The following KATNBL1 variants were observed in gnomAD, a reference collection of about 807,000 sequenced individuals.
KATNBL1 encodes the protein KATNB1-like protein 1.
Under a neutral mutation model 44.7 loss-of-function variants are expected in KATNBL1, and 28 were observed. The ratio of observed to expected loss-of-function variants is 0.63; its 90% CI spans 0.46 to 0.86. The LOEUF is 0.86. KATNBL1 is among the 40% of genes least tolerant of loss of function. The pLI, the probability that KATNBL1 is intolerant of heterozygous loss-of-function variation, is 0.00. For synonymous variants in KATNBL1, 78 were observed against 114.9 expected, an observed-to-expected ratio of 0.68 and a Z score of 2.06; for missense variants, 272 against 350.7, an observed-to-expected ratio of 0.78 and a Z score of 1.79.
At chr15:34,185,544 T>G (rs1471628992) in intron 1 of KATNBL1, among the ~76,000 whole-genome samples, 1 of 152,188 alleles carries the variant, frequency 6.6e-6, no homozygotes, top group East Asian at 1.9e-4. Context: ...AATGTATACC[T>G]ATAGATATAT....
At chr15:34,204,022 T>TAAAAAAAAAAAAAAAA in intron 1 of KATNBL1, among the ~76,000 whole-genome samples, 1 of 130,670 alleles carries the variant, frequency 7.7e-6, no homozygotes, top group Non-Finnish European at 1.6e-5. Context: ...AGAACTTAAT[T>TAAAAAAAAAAAAAAAA]AAAAAAAAAA....
In KATNBL1 at chr15:34,210,043, GTCCCAC is replaced by G. The variant is rs1365326011; in HGVS notation, c.-113_-108del. ...GAGAGTCCCTCGGCTTCTGGGCCGA[GTCCCAC>G]TCAGGGCCATTCAAACGCGGCCGCG... On this transcript the variant is annotated 5_prime_UTR_variant, in exon 1 of 10. Coordinates refer to ENST00000256544, the MANE Select transcript of KATNBL1 (RefSeq NM_024713.3). The G allele has an allele frequency of 1.3e-5, 2 of 151,484 alleles. No homozygotes were observed. The highest frequency in any genetic ancestry group is 2.9e-5 in the Non-Finnish European group (2 of 67,840). The allele number at this position is 151,484 out of a possible 1,614,324, so 9.4% of individuals were successfully genotyped here.
At chr15:34,181,727 C>CATATATATCCAT (rs769367483) in intron 1 of KATNBL1, among the ~76,000 whole-genome samples, 1 of 81,414 alleles carries the variant, frequency 1.2e-5, no homozygotes, top group African/African-American at 4.8e-5. Context: ...TATATATGTC[C>CATATATATCCAT]ATATATACAC....
chr15:34,190,283 T>G (rs1443845680), intron 1 of KATNBL1, among the ~76,000 whole-genome samples: 1 of 151,986 alleles, frequency 6.6e-6, no homozygotes, highest in Non-Finnish European at 1.5e-5. Flanking sequence ...TACAATCTAG[T>G]GGGGACGAAT....
Position 34,181,699 on chromosome 15 carries a change from T to TCC in KATNBL1, c.-14-18010_-14-18009insGG, listed in dbSNP as rs1567532112. The stretch of plus-strand genomic sequence containing the variant: ...ATACACATATATATGTCCATATATA[T>TCC]ATCCATATATATGGACATATATATG... On this transcript the variant is annotated intron_variant, in intron 1 of 9. Transcript: ENST00000256544. 2.3e-4 allele frequency among the ~76,000 whole-genome samples: 7 copies of TCC among 30,358 alleles called. 1 individual carries two copies. Among genetic ancestry groups the TCC allele is most frequent in the African/African-American group, 6.9e-4 (7 of 10,186 alleles). The allele number at this position is 30,358 out of a possible 152,430, so 19.9% of individuals were successfully genotyped here.
At chr15:34,155,712 C>T (rs985880282) in intron 2 of KATNBL1, among the ~76,000 whole-genome samples, 1 of 152,310 alleles carries the variant, frequency 6.6e-6, no homozygotes, top group African/African-American at 2.4e-5. Context: ...TTTCCCAAGC[C>T]ATCTGGCTAG....
At chr15:34,164,535 C>A (rs1055200955) in intron 1 of KATNBL1, among the ~76,000 whole-genome samples, 13 of 146,940 alleles carry the variant, frequency 8.8e-5, no homozygotes, top group African/African-American at 1.8e-4. Context: ...AAAAAAAAAT[C>A]AATGCCCTCC....
intron 1 of KATNBL1, among the ~76,000 whole-genome samples, chr15:34,187,554 A>G (rs572329838): frequency 5.3e-5 from 8 of 152,190 alleles, no homozygotes; most frequent in African/African-American, 9.7e-5. Flanking sequence ...CTGAAATACA[A>G]TATTTCTCTC....
intron 1 of KATNBL1, among the ~76,000 whole-genome samples, chr15:34,175,649 T>C (rs1383773883): frequency 6.6e-6 from 1 of 152,148 alleles, no homozygotes; most frequent in Non-Finnish European, 1.5e-5. Flanking sequence ...TCGTAACCAT[T>C]AGAATGGCTA....
At chr15:34,182,569 C>T (rs1423615819) in intron 1 of KATNBL1, among the ~76,000 whole-genome samples, 1 of 151,916 alleles carries the variant, frequency 6.6e-6, no homozygotes, top group South Asian at 2.1e-4. Context: ...ATCAGTCCCA[C>T]GAATATTGGG....
In KATNBL1 at chr15:34,210,007, C is replaced by A. The variant is rs1425703013; in HGVS notation, c.-71G>T. 2 of 152,076 alleles carry A rather than the reference C, an allele frequency of 1.3e-5. No individual in the cohort carries two copies. The highest frequency in any genetic ancestry group is 2.9e-5 in the Non-Finnish European group (2 of 67,924). 9.4% of individuals were successfully genotyped at this position (152,076 alleles called of 1,614,324 possible). ...CAGCCTCGGCGCTGACGACCAGCGCCCGGCAGCCTAGAGAGTCCCTCGGCT... is the reference window on the plus strand; with the variant it reads ...CAGCCTCGGCGCTGACGACCAGCGCACGGCAGCCTAGAGAGTCCCTCGGCT... On this transcript the variant is annotated 5_prime_UTR_variant, in exon 1 of 10. Transcript: ENST00000256544.
chr15:34,175,015 C>T (rs904379561), intron 1 of KATNBL1, among the ~76,000 whole-genome samples: 7 of 151,800 alleles, frequency 4.6e-5, no homozygotes, highest in South Asian at 2.1e-4. Flanking sequence ...GGTAGGCTGA[C>T]GAGGCAGGAG....
intron 1 of KATNBL1, among the ~76,000 whole-genome samples, chr15:34,170,594 G>T (rs28768700): frequency 0.33 from 49,878 of 152,042 alleles, 8,607 homozygotes; most frequent in African/African-American, 0.45. Context: ...CTACTTTAAA[G>T]TTCATATGGA....
intron 1 of KATNBL1, among the ~76,000 whole-genome samples, chr15:34,182,664 C>T (rs1462132037): frequency 6.6e-6 from 1 of 152,080 alleles, no homozygotes; most frequent in Admixed American, 6.6e-5. Flanking sequence ...TGACTAACTA[C>T]TCAGCAATAA....
chr15:34,155,368 G>A (rs938306324), intron 2 of KATNBL1, among the ~76,000 whole-genome samples: 9 of 152,236 alleles, frequency 5.9e-5, no homozygotes, highest in Admixed American at 5.2e-4. Flanking sequence ...TTTAGTAAGG[G>A]CTGTTTCTGT....
At chr15:34,143,478 CA>C (rs1170261091) in intron 9 of KATNBL1, among the ~76,000 whole-genome samples, 1 of 149,408 alleles carries the variant, frequency 6.7e-6, no homozygotes, top group Non-Finnish European at 1.5e-5. Flanking sequence ...ACAAAAACAA[CA>C]AAAAAAATTC....
At chr15:34,170,599 T>C (rs1216109349) in intron 1 of KATNBL1, among the ~76,000 whole-genome samples, 1 of 152,150 alleles carries the variant, frequency 6.6e-6, no homozygotes, top group African/African-American at 2.4e-5. Context: ...TTAAAGTTCA[T>C]ATGGAACCAA....
chr15:34,166,131 G>A (rs971156739), intron 1 of KATNBL1: 1 of 152,290 alleles, frequency 6.6e-6, no homozygotes, highest in Non-Finnish European at 1.5e-5. Flanking sequence ...GCAGGGCAGG[G>A]TGTCACCTCA....
rs10524351 is a variant in KATNBL1 at position 34,177,633 on chromosome 15, T to TAAAAAA, written c.-14-13949_-14-13944dup. On this transcript the variant is annotated intron_variant, in intron 1 of 9. Transcript: ENST00000256544. ...GGGTGACAAGAGCAAAACTCTGTCT[T>TAAAAAA]AAAAAAAAAAAGGATTAAACAGCTC... is the stretch of plus-strand genomic sequence containing the variant. 3.3e-5 allele frequency among the ~76,000 whole-genome samples: 3 copies of TAAAAAA among 91,904 alleles called. 1 individual carries two copies. Among genetic ancestry groups the TAAAAAA allele is most frequent in the Non-Finnish European group, 2.0e-5 (1 of 48,958 alleles). 60.3% of individuals were successfully genotyped at this position (91,904 alleles called of 152,430 possible). A position where few individuals can be genotyped will look rare whatever the true frequency, so the allele number is the denominator to read the frequency against.
Sources: allele counts gnomAD v4.1 joint callset (sites outside exome capture counted in the v4.1 genomes callset), GRCh38; gene constraint gnomAD v4.1.1; transcripts MANE v1.5; gene names NCBI Gene and HGNC (gene_info 2026-07-23, HGNC 2026-07-21).